The following ANOS1 variants were observed in gnomAD, a reference collection of about 807,000 sequenced individuals.
The protein encoded by ANOS1 is anosmin-1.
In ANOS1, 6 loss-of-function variants were observed where a neutral mutation model predicts 59.0. The observed-to-expected ratio is 0.10, with a 90% CI of 0.06 to 0.20. ANOS1 has a LOEUF of 0.20. ANOS1 is among the 10% of genes least tolerant of loss of function. The pLI is 1.00. For missense variants in ANOS1, 433 were observed against 542.3 expected, an observed-to-expected ratio of 0.80 and a Z score of 2.00; for synonymous variants, 217 against 223.4, an observed-to-expected ratio of 0.97 and a Z score of 0.25.
In ANOS1 at chrX:8,668,430, T is replaced by TACACAC. The variant is rs1555900813; in HGVS notation, c.255+31262_255+31267dup. Among the ~76,000 whole-genome samples the TACACAC allele has an allele frequency of 3.4e-3, 271 of 80,240 alleles. 3 individuals carry two copies. Among genetic ancestry groups the TACACAC allele is most frequent in the Middle Eastern group, 6.6e-3 (1 of 152 alleles). 69.7% of individuals were successfully genotyped at this position (80,240 alleles called of 115,157 possible). On this transcript the variant is annotated intron_variant, in intron 2 of 13. Transcript: ENST00000262648. ...ATATATATATATATATATATATATA[T>TACACAC]ACACACACATACATATATATATATG...
intron 3 of ANOS1, among the ~76,000 whole-genome samples, chrX:8,613,197 T>C (rs1931094922): frequency 1.0e-5 from 1 of 99,897 alleles, no homozygotes; most frequent in Admixed American, 1.1e-4. Context: ...GCTGATTTTT[T>C]CTTTTTCTTG....
rs989799210 is a variant in ANOS1, at chrX:8,532,222, G to A, written c.*773C>T. On this transcript the variant is annotated 3_prime_UTR_variant, in exon 14 of 14. Transcript: ENST00000262648. ...GGAAAATAAGGGAAAATATAAATAA[G>A]ATAACATATCAGGAAAATCTCTCAC... 2.7e-5 allele frequency: 3 copies of A among 111,870 alleles called. No individual in the cohort carries two copies. Among genetic ancestry groups the A allele is most frequent in the African/African-American group, 9.7e-5 (3 of 30,816 alleles). The allele number at this position is 111,870 out of a possible 1,213,427, so 9.2% of individuals were successfully genotyped here.
intron 2 of ANOS1, among the ~76,000 whole-genome samples, chrX:8,679,785 C>T (rs1932392587): frequency 9.0e-6 from 1 of 111,296 alleles, no homozygotes; most frequent in Admixed American, 9.6e-5. Context: ...ACGCTGGGCG[C>T]GGTGGCTCAC....
At chrX:8,725,651 GAT>G (rs762708250) in intron 1 of ANOS1, among the ~76,000 whole-genome samples, 501 of 19,572 alleles carry the variant, frequency 0.026, 55 homozygotes, top group African/African-American at 0.13. Flanking sequence ...TATATATACA[GAT>G]ATATATATAT....
intron 9 of ANOS1, among the ~76,000 whole-genome samples, chrX:8,540,765 T>A (rs1285309991): frequency 9.2e-6 from 1 of 108,859 alleles, no homozygotes; most frequent in African/African-American, 3.4e-5. Context: ...TTTGAGCACT[T>A]TGGAACCAGA....
intron 2 of ANOS1, among the ~76,000 whole-genome samples, chrX:8,637,538 C>T (rs1026428779): frequency 4.5e-5 from 5 of 112,180 alleles, no homozygotes; most frequent in Middle Eastern, 4.6e-3. Flanking sequence ...TGGAATTGTT[C>T]TACATGTACA....
At chrX:8,594,711 C>CT (rs1930697423) in intron 4 of ANOS1, among the ~76,000 whole-genome samples, 3 of 31,407 alleles carry the variant, frequency 9.6e-5, no homozygotes, top group South Asian at 2.8e-3. Flanking sequence ...CATATATATA[C>CT]ACATATATAT....
At chrX:8,569,377 T>C (rs1282430605) in intron 7 of ANOS1, among the ~76,000 whole-genome samples, 4 of 112,577 alleles carry the variant, frequency 3.6e-5, no homozygotes, top group Admixed American at 9.4e-5. Flanking sequence ...GCGTGGTGGC[T>C]CACGCCTGTA....
At chrX:8,723,642 C>T (rs767504398) in intron 1 of ANOS1, among the ~76,000 whole-genome samples, 1 of 111,921 alleles carries the variant, frequency 8.9e-6, no homozygotes, top group Non-Finnish European at 1.9e-5. Context: ...TTTATCCAAC[C>T]CTCTTTACCA....
intron 3 of ANOS1, among the ~76,000 whole-genome samples, chrX:8,602,982 G>T (rs909961168): frequency 9.0e-6 from 1 of 111,392 alleles, no homozygotes. Context: ...CAAGTGATCT[G>T]CCTGCCTTGG....
intron 6 of ANOS1, among the ~76,000 whole-genome samples, chrX:8,578,660 T>C (rs1197444463): frequency 8.9e-6 from 1 of 112,114 alleles, no homozygotes; most frequent in Non-Finnish European, 1.9e-5. Context: ...AAAAGATGGA[T>C]GAAGAACTTG....
At chrX:8,725,681 GATAT>G (rs761973508) in intron 1 of ANOS1, among the ~76,000 whole-genome samples, 7 of 62,168 alleles carry the variant, frequency 1.1e-4, no homozygotes, top group East Asian at 4.4e-4. Flanking sequence ...TATATATACA[GATAT>G]ATATATATAC....
intron 1 of ANOS1, among the ~76,000 whole-genome samples, chrX:8,711,616 A>T (rs192455013): frequency 6.4e-4 from 72 of 112,949 alleles, no homozygotes; most frequent in African/African-American, 2.3e-3. Context: ...GTTCAGTGAT[A>T]TGACCACTTT....
intron 3 of ANOS1, among the ~76,000 whole-genome samples, chrX:8,607,744 C>T (rs965868000): frequency 1.8e-5 from 2 of 111,741 alleles, no homozygotes; most frequent in Non-Finnish European, 3.8e-5. Context: ...CATTTATATA[C>T]TGATTTATAG....
chrX:8,611,330 A>T (rs1443280898), intron 3 of ANOS1, among the ~76,000 whole-genome samples: 3 of 107,637 alleles, frequency 2.8e-5, no homozygotes, highest in Non-Finnish European at 5.8e-5. Context: ...AAAAAAAAAG[A>T]TCATAGACTC....
intron 9 of ANOS1, among the ~76,000 whole-genome samples, chrX:8,541,275 C>T (rs779304011): frequency 5.8e-5 from 6 of 102,979 alleles, no homozygotes; most frequent in African/African-American, 1.8e-4. Context: ...TGGTGGCAGG[C>T]GCCTGTAATC....
intron 6 of ANOS1, among the ~76,000 whole-genome samples, chrX:8,574,008 G>A (rs1352338701): frequency 9.0e-6 from 1 of 110,970 alleles, no homozygotes; most frequent in Non-Finnish European, 1.9e-5. Context: ...GCCAGACCAT[G>A]TCACTCCTGT....
chrX:8,553,360 A>G (rs1929888200), intron 9 of ANOS1, among the ~76,000 whole-genome samples: 1 of 112,012 alleles, frequency 8.9e-6, no homozygotes, highest in Non-Finnish European at 1.9e-5. Flanking sequence ...AATGACATGT[A>G]TTATGATATT....
At chrX:8,568,025 C>T (rs763458486) in intron 8 of ANOS1, among the ~76,000 whole-genome samples, 2 of 112,276 alleles carry the variant, frequency 1.8e-5, no homozygotes, top group South Asian at 7.4e-4. Context: ...ATTGCACCTA[C>T]AATAGATAAA....
Sources: gnomAD v4.1 joint callset for allele counts (sites outside exome capture counted in the v4.1 genomes callset) on GRCh38, gnomAD v4.1.1 for gene constraint, MANE v1.5 for transcripts, NCBI Gene and HGNC (gene_info 2026-07-23, HGNC 2026-07-21) for gene names.